Variants in CNDP2 observed in about 807,000 individuals in gnomAD.
CNDP2 encodes carnosine dipeptidase 2.
In CNDP2, 38 loss-of-function variants were observed where a neutral mutation model predicts 55.0. The observed-to-expected ratio is 0.69, with a 90% CI of 0.53 to 0.90. CNDP2 has a LOEUF of 0.90. Among genes scored for constraint, CNDP2 ranks in the 40% least tolerant of loss-of-function variants. The pLI is 0.00. For synonymous variants in CNDP2, 241 were observed against 260.2 expected (o/e 0.93, Z 0.71); for missense variants, 607 against 621.7 (o/e 0.98, Z 0.25).
intron 9 of CNDP2, chr18:74,516,959 C>T (rs915764629): frequency 6.6e-6 from 1 of 151,324 alleles, no homozygotes; most frequent in African/African-American, 2.5e-5. Context: ...CTCAGGCTGC[C>T]ACAATAAAGA....
At chr18:74,509,632 C>CAAAA (rs35007246) in intron 5 of CNDP2, 1 of 137,774 alleles carries the variant, frequency 7.3e-6, no homozygotes, top group Non-Finnish European at 1.5e-5. Flanking sequence ...GACTCTGTCT[C>CAAAA]AAAAAAAAAA....
intron 3 of CNDP2, chr18:74,505,200 GTTTAT>G (rs1482209494): frequency 6.6e-6 from 1 of 152,150 alleles, no homozygotes; most frequent in African/African-American, 2.4e-5. Flanking sequence ...TAAGATTATA[GTTTAT>G]TTTAACCATC....
At chr18:74,499,812 T>TGG in intron 1 of CNDP2, 70 bp from the exon 2 acceptor site, 1 of 522,822 alleles carries the variant, frequency 1.9e-6, no homozygotes, top group South Asian at 3.3e-5. Flanking sequence ...CGTCTCTGGC[T>TGG]GGGTGTTGCA....
chr18:74,498,438 T>C (rs1978520362), intron 1 of CNDP2, among the ~76,000 whole-genome samples: 2 of 152,220 alleles, frequency 1.3e-5, no homozygotes, highest in Non-Finnish European at 2.9e-5. Flanking sequence ...CTGTTGTTGA[T>C]GGAAATGTTA....
rs1296462867 is a variant in CNDP2, at chr18:74,501,462, G to C, written c.194G>C (p.Gly65Ala). Residue 65 changes from glycine (G) to alanine (A), a missense_variant, in exon 3 of 12, where the codon GGA becomes GCA. Physicochemically the swap from Gly to Ala is moderately conservative, Grantham distance 60. Transcript: ENST00000324262. ...GGCTCTGTGGAACTGGTGGATATCG[G>C]AAAACAAAAGGTAGGAGGCAACATT... is the stretch of plus-strand genomic sequence containing the variant. ...LGGSVELVDI[G>A]KQKLPDGSEI... 6.2e-7 allele frequency: 1 copy of C among 1,613,326 alleles called. No individual in the cohort carries two copies. The highest frequency in any genetic ancestry group is 1.7e-5 in the Admixed American group (1 of 59,848).
chr18:74,522,987 C>T lies in CNDP2; in HGVS notation c.*2919C>T, dbSNP rs926747684. 1 of 152,280 alleles carries T rather than the reference C, an allele frequency of 6.6e-6. No homozygotes were observed. The highest frequency in any genetic ancestry group is 2.4e-5 in the African/African-American group (1 of 41,436). The allele number at this position is 152,280 out of a possible 1,614,324, so 9.4% of individuals were successfully genotyped here. A position where few individuals can be genotyped will look rare whatever the true frequency, so the allele number is the denominator to read the frequency against. The stretch of plus-strand genomic sequence containing the variant: ...TGTTCTACTAGAAGGCCGATGACTC[C>T]TGGGTAAAGTGCCAATGCTCACCTC... On this transcript the variant is annotated 3_prime_UTR_variant, in exon 12 of 12. Transcript: ENST00000324262.
intron 1 of CNDP2, among the ~76,000 whole-genome samples, 159 bp downstream of exon 1, chr18:74,496,590 G>A (rs754580272): frequency 6.6e-6 from 1 of 152,210 alleles, no homozygotes; most frequent in Non-Finnish European, 1.5e-5. Context: ...TGTCCGGGCT[G>A]TTCCCGAGCG....
intron 3 of CNDP2, chr18:74,505,059 A>G (rs1978933510): frequency 6.6e-6 from 1 of 152,228 alleles, no homozygotes; most frequent in African/African-American, 2.4e-5. Context: ...CGTACCTGCT[A>G]TCACTAACTT....
Position 74,520,157 on chromosome 18 carries a change from C to A in CNDP2, c.*89C>A. ...ACTTGCCCAGGGAAGTGGAGGTTCC[C>A]TCTTTCCTTTCCCTCTTGTCAGGTC... On this transcript the variant is annotated 3_prime_UTR_variant, in exon 12 of 12. Coordinates refer to ENST00000324262, the MANE Select transcript of CNDP2 (RefSeq NM_018235.3). 1 of 1,254,124 alleles carries A rather than the reference C, an allele frequency of 8.0e-7. No individual in the cohort carries two copies. Among genetic ancestry groups the A allele is most frequent in the East Asian group, 2.3e-5 (1 of 42,668 alleles). 77.7% of individuals were successfully genotyped at this position (1,254,124 alleles called of 1,614,324 possible). A position where few individuals can be genotyped will look rare whatever the true frequency, so the allele number is the denominator to read the frequency against.
At chr18:74,511,102 C>A in intron 6 of CNDP2, 89 bp downstream of exon 6, 1 of 1,113,742 alleles carries the variant, frequency 9.0e-7, no homozygotes, top group Non-Finnish European at 1.3e-6. Flanking sequence ...ACCCAGAAGT[C>A]AGGTGCACAG....
intron 4 of CNDP2, among the ~76,000 whole-genome samples, chr18:74,506,382 C>A (rs934281111): frequency 3.3e-5 from 5 of 152,060 alleles, no homozygotes; most frequent in East Asian, 1.9e-4. Flanking sequence ...TGATCCCCCC[C>A]ACCTCAGCCT....
At chr18:74,501,224 C>T (rs997822113) in intron 2 of CNDP2, 105 bp from the exon 3 acceptor site, 2 of 1,483,428 alleles carry the variant, frequency 1.3e-6, no homozygotes, top group African/African-American at 1.4e-5. Flanking sequence ...TGTTCAACTG[C>T]AGCAGCCACA....
chr18:74,519,165 C>G, intron 11 of CNDP2, 69 bp downstream of exon 11: 1 of 1,515,048 alleles, frequency 6.6e-7, no homozygotes, highest in Non-Finnish European at 8.9e-7. Flanking sequence ...TTCCCCTTCC[C>G]CCCGTGTGCA....
rs145677677 is a variant in CNDP2, at chr18:74,510,773, G to A, written c.457-40G>A. Reference sequence around the variant, plus strand: ...AGTGTGGCTTCTAGAAGGAAGGTTCGCAAAGCTGAATATCCACTCGTGCTG... The same window carrying A: ...AGTGTGGCTTCTAGAAGGAAGGTTCACAAAGCTGAATATCCACTCGTGCTG... On this transcript the variant is annotated intron_variant, in intron 5 of 11. Coordinates refer to ENST00000324262, the MANE Select transcript of CNDP2 (RefSeq NM_018235.3). The A allele has an allele frequency of 5.6e-4, 877 of 1,562,458 alleles. 9 individuals are homozygous for A. In the East Asian group the frequency reaches 0.017, roughly 31 times the overall value.
In CNDP2 at chr18:74,505,892, G is replaced by T; in HGVS notation, c.248G>T (p.Gly83Val). Reference protein sequence around the residue: ...SEIPLPPILLGRLGSDPQKKT... With the variant: ...SEIPLPPILLVRLGSDPQKKT... Reference sequence around the variant, plus strand: ...ATCCCGCTCCCTCCTATTCTGCTCGGCAGGCTGGGCTCCGACCCACAGAAG... The same window carrying T: ...ATCCCGCTCCCTCCTATTCTGCTCGTCAGGCTGGGCTCCGACCCACAGAAG... The change falls in exon 4 of 12, where the codon GGC (glycine) becomes GTC (valine). Residue 83 changes from glycine to valine, a missense_variant. Physicochemically the swap from Gly to Val is moderately radical, Grantham distance 109 (BLOSUM62 -3). Coordinates refer to ENST00000324262, the MANE Select transcript of CNDP2 (RefSeq NM_018235.3). The T allele has an allele frequency of 1.2e-6, 2 of 1,611,466 alleles. No individual in the cohort carries two copies. The highest frequency in any genetic ancestry group is 1.3e-5 in the African/African-American group (1 of 74,818).
At chr18:74,509,191 A>G in intron 5 of CNDP2, 1 of 462,740 alleles carries the variant, frequency 2.2e-6, no homozygotes, top group South Asian at 3.3e-5. Flanking sequence ...CCACCGCATG[A>G]AATGTGACTT....
chr18:74,513,507 C>A, intron 7 of CNDP2, 52 bp from the exon 8 acceptor site: 1 of 1,548,556 alleles, frequency 6.5e-7, no homozygotes, highest in South Asian at 1.2e-5. Flanking sequence ...AAGAGCAGCT[C>A]GCCTTGGTGC....
In CNDP2 at chr18:74,518,939, T is replaced by TC. The variant is rs1321423613; in HGVS notation, c.1211-10_1211-9insC. On this transcript the variant is annotated splice_polypyrimidine_tract_variant and intron_variant, in intron 10 of 11. Coordinates refer to ENST00000324262, the MANE Select transcript of CNDP2 (RefSeq NM_018235.3). ...AAGCTCACCGTTTATTTTATTTCAT[T>TC]TCCCCCCAGTTTTTGGTGTTGAGCC... The TC allele has an allele frequency of 1.3e-6, 2 of 1,531,222 alleles. No homozygotes were observed. The highest frequency in any genetic ancestry group is 2.0e-5 in the Admixed American group (1 of 49,444). The allele number at this position is 1,531,222 out of a possible 1,614,324, so 94.9% of individuals were successfully genotyped here.
intron 1 of CNDP2, among the ~76,000 whole-genome samples, chr18:74,496,632 T>C (rs997948550): frequency 6.6e-6 from 1 of 152,114 alleles, no homozygotes; most frequent in Non-Finnish European, 1.5e-5. Context: ...GTGACGGCCA[T>C]GGCCCCGGGG....
Sources: allele counts gnomAD v4.1 joint callset (sites outside exome capture counted in the v4.1 genomes callset), GRCh38; gene constraint gnomAD v4.1.1; transcripts MANE v1.5; gene names NCBI Gene and HGNC (gene_info 2026-07-23, HGNC 2026-07-21).